ACP2: variants seen among roughly 807,000 people sequenced by gnomAD.
ACP2 encodes the protein acid phosphatase 2, lysosomal, also known as lysosomal acid phosphatase.
ACP2 carries 35 observed loss-of-function variants against 54.7 expected under a neutral mutation model. The ratio of observed to expected loss-of-function variants is 0.64; its 90% CI spans 0.49 to 0.85. The LOEUF (loss-of-function observed/expected upper bound fraction) is 0.85. ACP2 is among the 40% of genes least tolerant of loss of function. ACP2 has a pLI of 0.00. For missense variants in ACP2, 492 were observed against 565.0 expected (o/e 0.87, Z 1.31); for synonymous variants, 210 against 224.4 (o/e 0.94, Z 0.57).
In ACP2 at chr11:47,246,598, G is replaced by A. The variant is rs765254516; in HGVS notation, c.298-764C>T. On this transcript the variant is annotated intron_variant, in intron 3 of 10. Transcript: ENST00000672073. ...AAAATATATGTATATATTTTGGGCCGGGCACGGTGGCTCATGCCTGTAATC... is the reference window on the plus strand; with the variant it reads ...AAAATATATGTATATATTTTGGGCCAGGCACGGTGGCTCATGCCTGTAATC... Among the ~76,000 whole-genome samples, 5 of 152,080 alleles carry A rather than the reference G, an allele frequency of 3.3e-5. 1 individual carries two copies. Among genetic ancestry groups the A allele is most frequent in the Admixed American group, 2.0e-4 (3 of 15,250 alleles).
In ACP2 at chr11:47,243,237, A is replaced by T; in HGVS notation, c.855+2T>A. 1 of 1,614,182 alleles carries T rather than the reference A, an allele frequency of 6.2e-7. No individual in the cohort carries two copies. Among genetic ancestry groups the T allele is most frequent in the Non-Finnish European group, 8.5e-7 (1 of 1,180,016 alleles). ...AGCACGCTAGGGAGCGCAGGCACTC[A>T]CCGCAGAGTAAACCAGCAGCTTGGG... is the stretch of plus-strand genomic sequence containing the variant. On this transcript the variant is annotated splice_donor_variant, in intron 8 of 10. Coordinates refer to ENST00000672073, the MANE Select transcript of ACP2 (RefSeq NM_001610.4). LOFTEE classifies it high-confidence loss of function.
In ACP2 at chr11:47,242,883, C is replaced by G; in HGVS notation, c.978G>C (p.Glu326Asp). 1 of 1,612,826 alleles carries G rather than the reference C, an allele frequency of 6.2e-7. No individual in the cohort carries two copies. Among genetic ancestry groups the G allele is most frequent in the Non-Finnish European group, 8.5e-7 (1 of 1,178,930 alleles). ...TGTCACTCTCGTTCCGAAAGTACAT[C>G]TCCACTGAGAAATTCCTGAGGGTCG... Reference protein sequence around the residue: ...YQEDSGNFSVEMYFRNESDKA... With the variant: ...YQEDSGNFSVDMYFRNESDKA... Residue 326 changes from glutamate to aspartate, a missense_variant, in exon 10 of 11, where the codon GAG (glutamate) becomes GAC (aspartate). Transcript: ENST00000672073.
At chr11:47,248,477 A>G (rs1161630317) in intron 1 of ACP2, 199 bp downstream of exon 1, 1 of 1,548,824 alleles carries the variant, frequency 6.5e-7, no homozygotes, top group African/African-American at 1.4e-5. Flanking sequence ...GTCTCAAGGC[A>G]GACTCACCCC....
chr11:47,244,823 G>C lies in ACP2; in HGVS notation c.684C>G (p.Thr228=), dbSNP rs780515782. Residue 228 remains threonine, a synonymous_variant, in exon 7 of 11, where the codon ACC becomes ACG. Coordinates refer to ENST00000672073, the MANE Select transcript of ACP2 (RefSeq NM_001610.4). The part of the protein sequence containing the change: ...LRLPPWASPQ[T]MQRLSRLKDF... ...CCTTTAGCCGGCTGAGACGCTGCAT[G>C]GTTTGGGGTGAGGCCCAGGGCGGCA... 18 of 1,612,312 alleles carry C rather than the reference G, an allele frequency of 1.1e-5. No homozygotes were observed. The highest frequency in any genetic ancestry group is 1.7e-5 in the Admixed American group (1 of 59,964).
rs567258928 is a variant in ACP2 at position 47,244,615 on chromosome 11, G to A, written c.772+120C>T. On this transcript the variant is annotated intron_variant, in intron 7 of 10. Coordinates refer to ENST00000672073, the MANE Select transcript of ACP2 (RefSeq NM_001610.4). ...ACTAGCGGCATGAGGAGGGGGATTT[G>A]GTTTTGAAAGAGCAGGGAGTGTTTC... 9.5e-5 allele frequency: 66 copies of A among 692,060 alleles called. No homozygotes were observed. The Admixed American group carries it at 1.7e-3, about 18-fold the overall frequency. The allele number at this position is 692,060 out of a possible 1,614,324, so 42.9% of individuals were successfully genotyped here. A position where few individuals can be genotyped will look rare whatever the true frequency, so the allele number is the denominator to read the frequency against.
chr11:47,248,287 T>G (rs1954290945), intron 1 of ACP2, 154 bp from the exon 2 acceptor site: 3 of 1,017,124 alleles, frequency 2.9e-6, no homozygotes, highest in African/African-American at 1.6e-5. Context: ...AGTCACTTCT[T>G]CCAGATTCCA....
Position 47,240,119 on chromosome 11 carries a change from G to C in ACP2, c.1269C>G (p.Ala423=). The C allele has an allele frequency of 6.2e-7, 1 of 1,613,300 alleles. No individual in the cohort carries two copies. Among genetic ancestry groups the C allele is most frequent in the Non-Finnish European group, 8.5e-7 (1 of 1,179,770 alleles). ...YRHVADGEDH[A] is the part of the protein sequence containing the mutation. Reference sequence around the variant, plus strand: ...AGGGAAGGGGGCTGAGTGGTTGTCAGGCGTGGTCCTCCCCATCTGCGACGT... The same window carrying C: ...AGGGAAGGGGGCTGAGTGGTTGTCACGCGTGGTCCTCCCCATCTGCGACGT... The change falls in exon 11 of 11, where the codon GCC becomes GCG. Residue 423 remains alanine, a synonymous_variant. Transcript: ENST00000672073.
intron 10 of ACP2, among the ~76,000 whole-genome samples, chr11:47,242,236 A>T (rs1565161185): frequency 6.6e-6 from 1 of 152,232 alleles, no homozygotes; most frequent in Admixed American, 6.5e-5. Context: ...AGACTGTCTA[A>T]TGTGAGTCTA....
Position 47,244,844 on chromosome 11 carries a change from C to T in ACP2, c.663G>A (p.Pro221=), listed in dbSNP as rs747551152. ...GCATGGTTTGGGGTGAGGCCCAGGG[C>T]GGCAGGCGCAGCCCGTGCGTTTGCT... The part of the protein sequence containing the change: ...FCEQTHGLRL[P]PWASPQTMQR... Residue 221 remains proline (P), a synonymous_variant, in exon 7 of 11, where the codon CCG becomes CCA. Coordinates refer to ENST00000672073, the MANE Select transcript of ACP2 (RefSeq NM_001610.4). 44 of 1,610,034 alleles carry T rather than the reference C, an allele frequency of 2.7e-5. No individual in the cohort carries two copies. The East Asian group carries it at 6.0e-4, about 22-fold the overall frequency.
In ACP2 at chr11:47,240,116, T is replaced by A; in HGVS notation, c.1272A>T (p.Ter424CysextTer11). The A allele has an allele frequency of 6.2e-7, 1 of 1,612,970 alleles. No homozygotes were observed. Among genetic ancestry groups the A allele is most frequent in the Non-Finnish European group, 8.5e-7 (1 of 1,179,616 alleles). ...TGGAGGGAAGGGGGCTGAGTGGTTGTCAGGCGTGGTCCTCCCCATCTGCGA... is the reference window on the plus strand; with the variant it reads ...TGGAGGGAAGGGGGCTGAGTGGTTGACAGGCGTGGTCCTCCCCATCTGCGA... Reference protein sequence around the residue: ...RHVADGEDHA* With the variant: ...RHVADGEDHAC Residue 424 changes from the stop codon to cysteine (C), a stop_lost, in exon 11 of 11, where the codon TGA becomes TGT. Transcript: ENST00000672073.
chr11:47,240,918 T>C (rs978219224), intron 10 of ACP2, among the ~76,000 whole-genome samples: 8 of 151,128 alleles, frequency 5.3e-5, no homozygotes, highest in Non-Finnish European at 8.8e-5. Context: ...ATTGAGAAAG[T>C]GAGAAGTTTA....
chr11:47,244,216 G>A (rs961446578), intron 7 of ACP2, among the ~76,000 whole-genome samples: 2 of 152,020 alleles, frequency 1.3e-5, no homozygotes, highest in African/African-American at 4.8e-5. Context: ...ATCACCTGAG[G>A]TCAGGAGTTC....
chr11:47,248,172 T>C (rs1565168227), intron 1 of ACP2, 39 bp from the exon 2 acceptor site: 1 of 1,539,578 alleles, frequency 6.5e-7, no homozygotes, highest in East Asian at 2.3e-5. Flanking sequence ...GTCAGAAGCA[T>C]CCCCTTGATA....
Position 47,243,054 on chromosome 11 carries a change from G to A in ACP2, c.926C>T (p.Ser309Phe), listed in dbSNP as rs1164295134. The A allele has an allele frequency of 3.1e-6, 5 of 1,614,142 alleles. No homozygotes were observed. In the African/African-American group the frequency reaches 6.7e-5, roughly 22 times the overall value. Reference protein sequence around the residue: ...VYNGEQAPYASCHIFELYQED... With the variant: ...VYNGEQAPYAFCHIFELYQED... Reference sequence around the variant, plus strand: ...CTGGTACAGTTCAAATATGTGGCAGGAGGCGTAGGGGGCTTGTTCACCATT... The same window carrying A: ...CTGGTACAGTTCAAATATGTGGCAGAAGGCGTAGGGGGCTTGTTCACCATT... The change falls in exon 9 of 11, where the codon TCC becomes TTC. Residue 309 changes from serine (S) to phenylalanine (F), a missense_variant. Ser to Phe is a radical substitution (Grantham distance 155, BLOSUM62 -2). Transcript: ENST00000672073.
Position 47,240,175 on chromosome 11 carries a change from G to C in ACP2, c.1213C>G (p.Arg405Gly), listed in dbSNP as rs201582713. Residue 405 changes from arginine to glycine, a missense_variant, in exon 11 of 11, where the codon CGG becomes GGG. Physicochemically the swap from Arg to Gly is moderately radical, Grantham distance 125 (BLOSUM62 -2). Transcript: ENST00000672073. ...LIVLLLTVLF[R>G]MQAQPPGYRH... Reference sequence around the variant, plus strand: ...TAGCCAGGAGGCTGGGCCTGCATCCGGAAGAGGACGGTGAGGAGCAGCACT... The same window carrying C: ...TAGCCAGGAGGCTGGGCCTGCATCCCGAAGAGGACGGTGAGGAGCAGCACT... The C allele has an allele frequency of 5.0e-6, 8 of 1,614,060 alleles. No individual in the cohort carries two copies. The highest frequency in any genetic ancestry group is 6.8e-6 in the Non-Finnish European group (8 of 1,180,026).
At position 47,247,621 on chromosome 11, in the gene ACP2, T is replaced by C; in HGVS notation, c.297+20A>G. ...GGCAGCATACCTTGTTCCCCTTGCC[T>C]CTGGAGCTCCCAACCTTACCTCTTG... On this transcript the variant is annotated intron_variant, in intron 3 of 10. Coordinates refer to ENST00000672073, the MANE Select transcript of ACP2 (RefSeq NM_001610.4). The C allele has an allele frequency of 6.2e-7, 1 of 1,614,134 alleles. No individual in the cohort carries two copies. The highest frequency in any genetic ancestry group is 8.5e-7 in the Non-Finnish European group (1 of 1,179,978).
chr11:47,245,817 T>C lies in ACP2; in HGVS notation c.315A>G (p.Thr105=). 5.1e-6 allele frequency: 8 copies of C among 1,583,526 alleles called. No individual in the cohort carries two copies. The highest frequency in any genetic ancestry group is 6.0e-6 in the Non-Finnish European group (7 of 1,163,634). ...YHRQEVYVRS[T]DFDRTLMSAE... ...CACTCATGAGAGTCCGGTCAAAGTC[T>C]GTGCTTCGCACATAAACCTGCAGCG... is the stretch of plus-strand genomic sequence containing the variant. Residue 105 remains threonine, a synonymous_variant, in exon 4 of 11, where the codon ACA becomes ACG. Coordinates refer to ENST00000672073, the MANE Select transcript of ACP2 (RefSeq NM_001610.4).
At chr11:47,246,513 C>T (rs1224696325) in intron 3 of ACP2, among the ~76,000 whole-genome samples, 3 of 151,980 alleles carry the variant, frequency 2.0e-5, no homozygotes, top group Non-Finnish European at 2.9e-5. Context: ...GAGTTTGAGG[C>T]TGCAGTGAGC....
At chr11:47,245,856 T>TTG in intron 3 of ACP2, 22 bp from the exon 4 acceptor site, 1 of 1,317,976 alleles carries the variant, frequency 7.6e-7, no homozygotes, top group South Asian at 1.6e-5. Context: ...GCAACACAAG[T>TTG]CGTGTGTGTG....
Sources: gnomAD v4.1 joint callset for allele counts (sites outside exome capture counted in the v4.1 genomes callset) on GRCh38, gnomAD v4.1.1 for gene constraint, MANE v1.5 for transcripts, NCBI Gene and HGNC (gene_info 2026-07-23, HGNC 2026-07-21) for gene names.